KIAA1217: variants seen among roughly 807,000 people sequenced by gnomAD.
The protein encoded by KIAA1217 is KIAA1217.
KIAA1217 carries 88 observed loss-of-function variants against 163.9 expected under a neutral mutation model. The ratio of observed to expected loss-of-function variants is 0.54; its 90% CI spans 0.45 to 0.64. The LOEUF (loss-of-function observed/expected upper bound fraction) is 0.64, where lower values mean the gene tolerates loss of function less well. KIAA1217 is among the 30% of genes least tolerant of loss of function. The pLI, the probability that KIAA1217 is intolerant of heterozygous loss-of-function variation, is 0.00. For missense variants in KIAA1217, 2,372 were observed against 2,475.0 expected (o/e 0.96, Z 0.88); for synonymous variants, 903 against 923.1 (o/e 0.98, Z 0.39).
chr10:24,495,046 T>C, intron 7 of KIAA1217, 101 bp from the exon 8 acceptor site: 1 of 950,360 alleles, frequency 1.1e-6, no homozygotes, highest in Non-Finnish European at 1.6e-6. Context: ...CTTAATCCCA[T>C]CACTGCCAAT....
At chr10:24,339,516 C>T (rs939925896) in intron 2 of KIAA1217, among the ~76,000 whole-genome samples, 1 of 152,168 alleles carries the variant, frequency 6.6e-6, no homozygotes, top group Non-Finnish European at 1.5e-5. Context: ...GGTTCAGAAG[C>T]CAGTAAGTTC....
intron 1 of KIAA1217, among the ~76,000 whole-genome samples, chr10:23,805,982 G>A (rs1229941729): frequency 3.6e-5 from 1 of 27,766 alleles, no homozygotes; most frequent in Non-Finnish European, 6.1e-5. Flanking sequence ...GGCAACAAGA[G>A]CAAAACTCCA....
chr10:24,086,332 T>G (rs1385666895), intron 2 of KIAA1217, among the ~76,000 whole-genome samples: 1 of 152,220 alleles, frequency 6.6e-6, no homozygotes, highest in Non-Finnish European at 1.5e-5. Flanking sequence ...GCCACCCTCA[T>G]GTTTTGAGAG....
At chr10:24,016,239 T>C (rs1184411322) in intron 2 of KIAA1217, among the ~76,000 whole-genome samples, 1 of 152,164 alleles carries the variant, frequency 6.6e-6, no homozygotes, top group Non-Finnish European at 1.5e-5. Context: ...ATGTCTGTTA[T>C]CTTCCTGTTT....
intron 11 of KIAA1217, among the ~76,000 whole-genome samples, chr10:24,520,689 A>ACACACACACAC (rs763777354): frequency 0.043 from 4,381 of 102,400 alleles, 121 homozygotes; most frequent in African/African-American, 0.063. Context: ...CACACACACA[A>ACACACACACAC]AAAAAAATTA....
At chr10:24,397,931 ACTTAC>A (rs1348526956) in intron 3 of KIAA1217, among the ~76,000 whole-genome samples, 5 of 152,100 alleles carry the variant, frequency 3.3e-5, no homozygotes, top group Admixed American at 3.3e-4. Flanking sequence ...GGGTTCCTTT[ACTTAC>A]CTTGTCTGTG....
chr10:24,507,937 A>T (rs2068578115), intron 9 of KIAA1217, among the ~76,000 whole-genome samples: 1 of 152,246 alleles, frequency 6.6e-6, no homozygotes, highest in Non-Finnish European at 1.5e-5. Context: ...ACAAAAGGCA[A>T]GTCAGGACAC....
At chr10:24,337,932 C>T (rs1260301625) in intron 2 of KIAA1217, among the ~76,000 whole-genome samples, 3 of 152,112 alleles carry the variant, frequency 2.0e-5, no homozygotes, top group Admixed American at 2.0e-4. Context: ...CATGAGCCAC[C>T]GCGCCCGGCC....
At chr10:24,160,091 A>C (rs2065054122) in intron 2 of KIAA1217, among the ~76,000 whole-genome samples, 1 of 152,168 alleles carries the variant, frequency 6.6e-6, no homozygotes, top group Non-Finnish European at 1.5e-5. Context: ...TTCTCTGTTA[A>C]TTCCATGCTG....
intron 1 of KIAA1217, among the ~76,000 whole-genome samples, chr10:23,983,012 G>T (rs1052363796): frequency 1.3e-4 from 19 of 152,000 alleles, no homozygotes; most frequent in Non-Finnish European, 1.5e-4. Context: ...GTTGGGTTCA[G>T]GTTTGCTGCA....
At chr10:24,141,611 T>A (rs946842605) in intron 2 of KIAA1217, among the ~76,000 whole-genome samples, 1 of 152,100 alleles carries the variant, frequency 6.6e-6, no homozygotes, top group Non-Finnish European at 1.5e-5. Flanking sequence ...CATCAGTCCT[T>A]GAGAACTGAA....
intron 2 of KIAA1217, among the ~76,000 whole-genome samples, chr10:24,182,208 G>A (rs2066203922): frequency 6.6e-6 from 1 of 152,216 alleles, no homozygotes; most frequent in Admixed American, 6.5e-5. Flanking sequence ...GGCTGAGGCA[G>A]GCGGATCACT....
chr10:24,223,855 C>T (rs957711758), intron 2 of KIAA1217, among the ~76,000 whole-genome samples: 4 of 148,684 alleles, frequency 2.7e-5, no homozygotes, highest in African/African-American at 1.0e-4. Context: ...ACCCCGCCCA[C>T]CCCCAGATAA....
chr10:24,416,425 T>G (rs530300425), intron 3 of KIAA1217, among the ~76,000 whole-genome samples: 1 of 152,320 alleles, frequency 6.6e-6, no homozygotes, highest in African/African-American at 2.4e-5. Context: ...GCAGAGAAGG[T>G]TCTGTTCCTG....
In KIAA1217 at chr10:24,381,067, G is replaced by A; in HGVS notation, c.553G>A (p.Gly185Arg). 1 of 1,546,746 alleles carries A rather than the reference G, an allele frequency of 6.5e-7. No individual in the cohort carries two copies. The highest frequency in any genetic ancestry group is 1.2e-5 in the South Asian group (1 of 80,558). The part of the protein sequence containing the change: ...STNQTKERSL[G>R]VLYLQYGDET... Reference sequence around the variant, plus strand: ...CAACCAGACGAAAGAAAGATCTCTGGGTAAGCTTTAGAAGGCAGTTTCTGA... The same window carrying A: ...CAACCAGACGAAAGAAAGATCTCTGAGTAAGCTTTAGAAGGCAGTTTCTGA... The change falls in exon 3 of 21, where the codon GGG becomes AGG. Residue 185 changes from glycine (G) to arginine (R), a missense_variant and splice_region_variant. Around this residue, in one of 3 missense-constraint regions of KIAA1217, gnomAD observed 1,431 missense variants for 1,470.3 expected, o/e 0.97. Coordinates refer to ENST00000376454, the MANE Select transcript of KIAA1217 (RefSeq NM_019590.5).
rs34660362 is a variant in KIAA1217 at position 24,397,108 on chromosome 10, CT to C, written c.553+16062del. Among the ~76,000 whole-genome samples, 1,042 of 114,682 alleles carry C rather than the reference CT, an allele frequency of 9.1e-3. 5 individuals carry two copies. Among genetic ancestry groups the C allele is most frequent in the African/African-American group, 0.028 (836 of 30,136 alleles). 75.2% of individuals were successfully genotyped at this position (114,682 alleles called of 152,430 possible). On this transcript the variant is annotated intron_variant, in intron 3 of 20. Transcript: ENST00000376454. ...GGAGAAGGCATAGATGTAAGAAACT[CT>C]TTTTTTTTTTTTTTTTTTTTGAGAC...
chr10:23,727,223 C>G (rs996923579), intron 1 of KIAA1217, among the ~76,000 whole-genome samples: 1 of 151,858 alleles, frequency 6.6e-6, no homozygotes, highest in African/African-American at 2.4e-5. Flanking sequence ...GATCTCCTAA[C>G]CTTGCGATCC....
chr10:24,295,877 C>T (rs942120754), intron 2 of KIAA1217, among the ~76,000 whole-genome samples: 1 of 152,176 alleles, frequency 6.6e-6, no homozygotes, highest in Non-Finnish European at 1.5e-5. Context: ...TTGTATCGCT[C>T]TTATGGCACA....
chr10:23,847,198 C>G (rs1484351407), intron 1 of KIAA1217, among the ~76,000 whole-genome samples: 2 of 151,922 alleles, frequency 1.3e-5, no homozygotes, highest in Non-Finnish European at 2.9e-5. Context: ...GAAATTTTCT[C>G]TTTTTGTTGT....
Sources: allele counts gnomAD v4.1 joint callset (sites outside exome capture counted in the v4.1 genomes callset), GRCh38; gene constraint gnomAD v4.1.1; regional missense constraint gnomAD v4.1.1; transcripts MANE v1.5; gene names NCBI Gene and HGNC (gene_info 2026-07-23, HGNC 2026-07-21).